The following USP45 variants were observed in gnomAD, a reference collection of about 807,000 sequenced individuals.
USP45 encodes the protein ubiquitin specific peptidase 45, also known as ubiquitin carboxyl-terminal hydrolase 45.
USP45 carries 89 observed loss-of-function variants against 95.8 expected under a neutral mutation model. That is an observed-to-expected ratio of 0.93 (90% CI 0.78 to 1.11). The LOEUF (loss-of-function observed/expected upper bound fraction) is 1.11, where lower values mean the gene tolerates loss of function less well. Ranked by LOEUF, USP45 falls within the 50% of genes least tolerant of loss-of-function variation. The pLI is 0.00. For synonymous variants in USP45, 281 were observed against 316.2 expected (o/e 0.89, Z 1.18); for missense variants, 898 against 942.5 (o/e 0.95, Z 0.62).
intron 9 of USP45, among the ~76,000 whole-genome samples, chr6:99,469,149 T>C (rs1334067961): frequency 6.6e-6 from 1 of 152,054 alleles, no homozygotes; most frequent in African/African-American, 2.4e-5. Flanking sequence ...GCAAGAAGAA[T>C]CCCCCAAATT....
At chr6:99,484,605 T>G (rs898012114) in intron 7 of USP45, among the ~76,000 whole-genome samples, 1 of 152,062 alleles carries the variant, frequency 6.6e-6, no homozygotes, top group Non-Finnish European at 1.5e-5. Context: ...GAAGGCCCGC[T>G]TGGGCAACAT....
intron 1 of USP45, among the ~76,000 whole-genome samples, chr6:99,511,887 A>T (rs1799966412): frequency 7.0e-6 from 1 of 143,578 alleles, no homozygotes; most frequent in African/African-American, 2.6e-5. Context: ...ATATATATAT[A>T]CACATAGTTG....
At chr6:99,497,259 G>T (rs1796495763) in intron 5 of USP45, among the ~76,000 whole-genome samples, 1 of 152,044 alleles carries the variant, frequency 6.6e-6, no homozygotes, top group Non-Finnish European at 1.5e-5. Flanking sequence ...GGGGAAGGGG[G>T]AGGTAGAGGG....
intron 9 of USP45, 24 bp downstream of exon 9, chr6:99,476,119 A>G: frequency 6.2e-7 from 1 of 1,601,164 alleles, no homozygotes; most frequent in South Asian, 1.1e-5. Context: ...AAGAGAATAC[A>G]TGATATACAT....
intron 15 of USP45, among the ~76,000 whole-genome samples, chr6:99,441,529 T>C (rs574855355): frequency 6.7e-6 from 1 of 149,130 alleles, no homozygotes; most frequent in African/African-American, 2.5e-5. Flanking sequence ...CGAAACTCCA[T>C]CTCCAAAAAA....
intron 15 of USP45, among the ~76,000 whole-genome samples, chr6:99,443,140 C>T (rs1278719449): frequency 6.6e-6 from 1 of 151,990 alleles, no homozygotes; most frequent in South Asian, 2.1e-4. Flanking sequence ...TTGCTTAAAC[C>T]CGGGAAGTGG....
chr6:99,447,537 G>A (rs182597586), intron 13 of USP45, among the ~76,000 whole-genome samples: 6 of 152,180 alleles, frequency 3.9e-5, no homozygotes, highest in East Asian at 3.9e-4. Flanking sequence ...TAAACAAAGC[G>A]GCCGGCCAGG....
intron 13 of USP45, among the ~76,000 whole-genome samples, chr6:99,450,200 T>C (rs907599839): frequency 1.3e-5 from 2 of 151,500 alleles, no homozygotes; most frequent in African/African-American, 4.9e-5. Flanking sequence ...CTGAAAGAGA[T>C]AGAGACACAA....
rs1307824165 is a variant in USP45, at chr6:99,432,532, A to G, written c.*3184T>C. On this transcript the variant is annotated 3_prime_UTR_variant, in exon 18 of 18. Coordinates refer to ENST00000500704, the MANE Select transcript of USP45 (RefSeq NM_001346022.3). ...AGTTACACAGCTGTTTTCTAGAAAC[A>G]TGGCAAAAGAAAAAAAACAGTAGGA... 6.6e-6 allele frequency: 1 copy of G among 152,216 alleles called. No homozygotes were observed. The highest frequency in any genetic ancestry group is 1.5e-5 in the Non-Finnish European group (1 of 68,038). The allele number at this position is 152,216 out of a possible 1,614,324, so 9.4% of individuals were successfully genotyped here.
intron 5 of USP45, among the ~76,000 whole-genome samples, chr6:99,491,155 C>T (rs372378919): frequency 6.6e-6 from 1 of 152,134 alleles, no homozygotes; most frequent in African/African-American, 2.4e-5. Flanking sequence ...AAATAATAAA[C>T]CCCACACTAG....
chr6:99,441,838 A>C (rs1003460325), intron 15 of USP45, among the ~76,000 whole-genome samples: 2 of 152,064 alleles, frequency 1.3e-5, no homozygotes, highest in African/African-American at 4.8e-5. Flanking sequence ...TTTCTTATTG[A>C]TCTTTAAGAC....
chr6:99,445,769 ATAAT>A (rs1190247749), intron 14 of USP45, 24 bp downstream of exon 14: 17 of 1,467,350 alleles, frequency 1.2e-5, no homozygotes, highest in Non-Finnish European at 1.5e-5. Context: ...CAGGAGATCA[ATAAT>A]TATGTAATTA....
chr6:99,511,845 GTATATATATATATA>G lies in USP45; in HGVS notation c.-10-1629_-10-1616del, dbSNP rs751350306. On this transcript the variant is annotated intron_variant, in intron 1 of 17. Transcript: ENST00000500704. The stretch of plus-strand genomic sequence containing the variant: ...GACACATATATGTATGTGAGTGTGT[GTATATATATATATA>G]TATATATATATATATATATATATAT... Among the ~76,000 whole-genome samples the G allele has an allele frequency of 4.8e-3, 109 of 22,808 alleles. 2 individuals are homozygous for G. The highest frequency in any genetic ancestry group is 4.9e-3 in the Non-Finnish European group (79 of 16,082). The allele number at this position is 22,808 out of a possible 152,430, so 15.0% of individuals were successfully genotyped here.
rs1779916646 is a variant in USP45, at chr6:99,432,876, T to C, written c.*2840A>G. 1 of 152,672 alleles carries C rather than the reference T, an allele frequency of 6.5e-6. No homozygotes were observed. The highest frequency in any genetic ancestry group is 6.5e-5 in the Admixed American group (1 of 15,288). The allele number at this position is 152,672 out of a possible 1,614,324, so 9.5% of individuals were successfully genotyped here. The stretch of plus-strand genomic sequence containing the variant: ...TTCTTCAGCTATTGCATAAAATCAC[T>C]GATTAAAATCATCACACATGGAAGC... On this transcript the variant is annotated 3_prime_UTR_variant, in exon 18 of 18. Coordinates refer to ENST00000500704, the MANE Select transcript of USP45 (RefSeq NM_001346022.3).
intron 5 of USP45, among the ~76,000 whole-genome samples, chr6:99,500,345 G>A (rs1246048936): frequency 6.6e-6 from 1 of 152,062 alleles, no homozygotes; most frequent in African/African-American, 2.4e-5. Flanking sequence ...GGCTGGTCTC[G>A]ATTCCTGGCC....
intron 5 of USP45, among the ~76,000 whole-genome samples, chr6:99,499,945 G>C (rs1251395005): frequency 6.6e-6 from 1 of 152,076 alleles, no homozygotes; most frequent in African/African-American, 2.4e-5. Context: ...CCTTCTTTCA[G>C]ATCTTTAGCC....
chr6:99,500,533 A>C (rs1443392833), intron 5 of USP45, among the ~76,000 whole-genome samples: 1 of 152,172 alleles, frequency 6.6e-6, no homozygotes, highest in Non-Finnish European at 1.5e-5. Context: ...CTGGCTTTGT[A>C]CTTAACCTTA....
At chr6:99,479,378 AT>A (rs1033841879) in intron 8 of USP45, among the ~76,000 whole-genome samples, 2 of 150,502 alleles carry the variant, frequency 1.3e-5, no homozygotes, top group African/African-American at 4.9e-5. Context: ...CCTCTGGCTA[AT>A]TTTTTTTTCA....
intron 13 of USP45, among the ~76,000 whole-genome samples, chr6:99,463,080 G>T (rs551753897): frequency 6.6e-6 from 1 of 151,924 alleles, no homozygotes; most frequent in Non-Finnish European, 1.5e-5. Context: ...TTTTTTTGCT[G>T]AAGTATAAGT....
Sources: gnomAD v4.1 joint callset for allele counts (sites outside exome capture counted in the v4.1 genomes callset) on GRCh38, gnomAD v4.1.1 for gene constraint, MANE v1.5 for transcripts, NCBI Gene and HGNC (gene_info 2026-07-23, HGNC 2026-07-21) for gene names.